LCE1C: variants seen among roughly 807,000 people sequenced by gnomAD.
LCE1C encodes late cornified envelope 1C, also known as late cornified envelope protein 1C.
In LCE1C, 1 loss-of-function variant was observed where a neutral mutation model predicts 0.7. The observed-to-expected ratio is 1.44, with a 90% CI of 0.51 to 6.83. The LOEUF (loss-of-function observed/expected upper bound fraction) is 6.83, where lower values mean the gene tolerates loss of function less well. Ranked by LOEUF, LCE1C falls within the 30% of genes most tolerant of loss-of-function variation. The pLI is 0.14. For missense variants in LCE1C, 136 were observed against 149.6 expected, an observed-to-expected ratio of 0.91 and a Z score of 0.48; for synonymous variants, 72 against 57.9, an observed-to-expected ratio of 1.24 and a Z score of -1.10.
Position 152,805,488 on chromosome 1 carries a change from G to A in LCE1C, c.-10C>T, listed in dbSNP as rs17624493. ...TCTGCTGGCAGGACATCTTGGTGGC[G>A]GATTCAGGAGCTGAAAGAGAGTCAA... On this transcript the variant is annotated 5_prime_UTR_variant, in exon 2 of 2. Coordinates refer to ENST00000607093, the MANE Select transcript of LCE1C (RefSeq NM_178351.4). The A allele has an allele frequency of 0.31, 497,694 of 1,611,380 alleles. 83,078 individuals carry two copies. The highest frequency in any genetic ancestry group is 0.35 in the Non-Finnish European group (413,695 of 1,177,830).
chr1:152,805,609 C>G (rs1306796266), intron 1 of LCE1C, 111 bp from the exon 2 acceptor site: 8 of 832,072 alleles, frequency 9.6e-6, no homozygotes, highest in South Asian at 1.8e-5. Context: ...GTTCAAATGT[C>G]ATGGTAAATC....
In LCE1C at chr1:152,805,287, A is replaced by G. The variant is rs1652301801; in HGVS notation, c.192T>C (p.Ser64=). The change falls in exon 2 of 2, where the codon TCT becomes TCC. Residue 64 remains serine (S), a synonymous_variant. Transcript: ENST00000607093. ...CTCCCCCAGAACTGCAGCATCCCCC[A>G]GAGCTGGAGCCACAGCTGCCCCCAG... is the stretch of plus-strand genomic sequence containing the variant. The part of the protein sequence containing the change: ...SSSGGSCGSS[S]GGCCSSGGGG... The G allele has an allele frequency of 6.2e-7, 1 of 1,613,962 alleles. No individual in the cohort carries two copies. The highest frequency in any genetic ancestry group is 8.5e-7 in the Non-Finnish European group (1 of 1,179,966).
intron 1 of LCE1C, among the ~76,000 whole-genome samples, 192 bp downstream of exon 1, chr1:152,806,409 A>T (rs114899232): frequency 0.018 from 2,681 of 152,278 alleles, 35 homozygotes; most frequent in Non-Finnish European, 0.025. Context: ...AGACAGAGAC[A>T]TCTAATTCTT....
chr1:152,805,428 G>C lies in LCE1C; in HGVS notation c.51C>G (p.Thr17=), dbSNP rs369430678. 1.2e-6 allele frequency: 2 copies of C among 1,613,856 alleles called. No individual in the cohort carries two copies. Among genetic ancestry groups the C allele is most frequent in the East Asian group, 4.5e-5 (2 of 44,862 alleles). ...QQQCQPPPKC[T]PKCPPKCPTP... is the part of the protein sequence containing the mutation. The stretch of plus-strand genomic sequence containing the variant: ...TGGGGCACTTGGGAGGGCACTTGGG[G>C]GTGCACTTGGGAGGGGGCTGGCACT... The change falls in exon 2 of 2, where the codon ACC becomes ACG. Residue 17 remains threonine (T), a synonymous_variant. Coordinates refer to ENST00000607093, the MANE Select transcript of LCE1C (RefSeq NM_178351.4).
In LCE1C at chr1:152,805,975, A is replaced by G. The variant is rs905676891; in HGVS notation, c.-20-477T>C. 6.6e-5 allele frequency among the ~76,000 whole-genome samples: 10 copies of G among 152,242 alleles called. 1 individual carries two copies. In the South Asian group the frequency reaches 1.2e-3, roughly 19 times the overall value. On this transcript the variant is annotated intron_variant, in intron 1 of 1. Transcript: ENST00000607093. The stretch of plus-strand genomic sequence containing the variant: ...CATGTACAATTGTAAATGGTTTTGG[A>G]GACAGGCTGGTCTCACAGGCTCCCT...
At position 152,804,975 on chromosome 1, in the gene LCE1C, C is replaced by T; in HGVS notation, c.*147G>A. The T allele has an allele frequency of 9.7e-7, 1 of 1,027,716 alleles. No homozygotes were observed. Among genetic ancestry groups the T allele is most frequent in the Non-Finnish European group, 1.4e-6 (1 of 693,336 alleles). The allele number at this position is 1,027,716 out of a possible 1,614,324, so 63.7% of individuals were successfully genotyped here. On this transcript the variant is annotated 3_prime_UTR_variant, in exon 2 of 2. Transcript: ENST00000607093. ...GAGATCCAGGAGAGGATCTGAGTTTCTGGACTCCAGGGAAAAGATATGCTC... is the reference window on the plus strand; with the variant it reads ...GAGATCCAGGAGAGGATCTGAGTTTTTGGACTCCAGGGAAAAGATATGCTC...
chr1:152,805,062 G>C lies in LCE1C; in HGVS notation c.*60C>G, dbSNP rs1652288588. 9.2e-6 allele frequency: 14 copies of C among 1,519,374 alleles called. No homozygotes were observed. The South Asian group carries it at 1.2e-4, about 13-fold the overall frequency. The allele number at this position is 1,519,374 out of a possible 1,614,324, so 94.1% of individuals were successfully genotyped here. Reference sequence around the variant, plus strand: ...CTCTCAGGCAGGCCTAGTAGGAGAAGGGGGATGTCCTTGGCAGTTTGCGGT... The same window carrying C: ...CTCTCAGGCAGGCCTAGTAGGAGAACGGGGATGTCCTTGGCAGTTTGCGGT... On this transcript the variant is annotated 3_prime_UTR_variant, in exon 2 of 2. Transcript: ENST00000607093.
At chr1:152,805,548 C>T (rs1652318179) in intron 1 of LCE1C, 50 bp from the exon 2 acceptor site, 8 of 1,325,788 alleles carry the variant, frequency 6.0e-6, no homozygotes, top group African/African-American at 1.5e-5. Context: ...GCCACCCCTG[C>T]CTATTCTTGT....
rs1024242440 is a variant in LCE1C, at chr1:152,805,631, A to G, written c.-20-133T>C. The G allele has an allele frequency of 1.4e-5, 11 of 773,194 alleles. No homozygotes were observed. The African/African-American group carries it at 1.8e-4, about 12-fold the overall frequency. The allele number at this position is 773,194 out of a possible 1,614,324, so 47.9% of individuals were successfully genotyped here. ...TGTCATGGTAAATCATTAATCACTG[A>G]AAATTTTGTTGTTTCTTGTAGTTTG... On this transcript the variant is annotated intron_variant, in intron 1 of 1. Transcript: ENST00000607093.
rs375935802 is a variant in LCE1C, at chr1:152,805,483, G to T, written c.-5C>A. ...CTGGCTCTGCTGGCAGGACATCTTG[G>T]TGGCGGATTCAGGAGCTGAAAGAGA... On this transcript the variant is annotated 5_prime_UTR_variant, in exon 2 of 2. Coordinates refer to ENST00000607093, the MANE Select transcript of LCE1C (RefSeq NM_178351.4). The T allele has an allele frequency of 2.5e-5, 40 of 1,613,422 alleles. No homozygotes were observed. Among genetic ancestry groups the T allele is most frequent in the Middle Eastern group, 1.6e-4 (1 of 6,080 alleles).
chr1:152,804,871 A>G lies in LCE1C; in HGVS notation c.*251T>C, dbSNP rs1652281594. 2 of 510,578 alleles carry G rather than the reference A, an allele frequency of 3.9e-6. No homozygotes were observed. The highest frequency in any genetic ancestry group is 3.5e-5 in the Admixed American group (1 of 28,208). The allele number at this position is 510,578 out of a possible 1,614,324, so 31.6% of individuals were successfully genotyped here. The stretch of plus-strand genomic sequence containing the variant: ...CCTTTAATCAGCAGATGCACGCTGC[A>G]AATGACATTGAGTAAGCTAGGGGCT... On this transcript the variant is annotated 3_prime_UTR_variant, in exon 2 of 2. Transcript: ENST00000607093.
Position 152,805,453 on chromosome 1 carries a change from T to A in LCE1C, c.26A>T (p.Gln9Leu). Residue 9 changes from glutamine to leucine, a missense_variant, in exon 2 of 2, where the codon CAG becomes CTG. Transcript: ENST00000607093. The stretch of plus-strand genomic sequence containing the variant: ...GGTGCACTTGGGAGGGGGCTGGCAC[T>A]GCTGCTGGCTCTGCTGGCAGGACAT... MSCQQSQQ[Q>L]CQPPPKCTPK... 1.2e-6 allele frequency: 2 copies of A among 1,613,946 alleles called. No homozygotes were observed. The highest frequency in any genetic ancestry group is 1.7e-6 in the Non-Finnish European group (2 of 1,179,936).
Position 152,805,499 on chromosome 1 carries a change from C to G in LCE1C, c.-20-1G>C. On this transcript the variant is annotated splice_acceptor_variant, in intron 1 of 1. Transcript: ENST00000607093. LOFTEE classifies it low-confidence loss of function (5UTR_SPLICE). The stretch of plus-strand genomic sequence containing the variant: ...GACATCTTGGTGGCGGATTCAGGAG[C>G]TGAAAGAGAGTCAAACAGCAAGTCA... 3 of 1,608,968 alleles carry G rather than the reference C, an allele frequency of 1.9e-6. No homozygotes were observed. Among genetic ancestry groups the G allele is most frequent in the Non-Finnish European group, 2.6e-6 (3 of 1,175,442 alleles).
Position 152,805,290 on chromosome 1 carries a change from G to A in LCE1C, c.189C>T (p.Ser63=), listed in dbSNP as rs200339777. 1.7e-4 allele frequency: 276 copies of A among 1,613,856 alleles called. No individual in the cohort carries two copies. Among genetic ancestry groups the A allele is most frequent in the East Asian group, 1.2e-3 (53 of 44,872 alleles). The part of the protein sequence containing the change: ...GSSSGGSCGS[S]SGGCCSSGGG... ...CCCCAGAACTGCAGCATCCCCCAGA[G>A]CTGGAGCCACAGCTGCCCCCAGAGC... is the stretch of plus-strand genomic sequence containing the variant. Residue 63 remains serine, a synonymous_variant, in exon 2 of 2, where the codon AGC becomes AGT. Coordinates refer to ENST00000607093, the MANE Select transcript of LCE1C (RefSeq NM_178351.4).
chr1:152,806,466 C>G (rs1284794288), intron 1 of LCE1C, 135 bp downstream of exon 1: 1 of 152,426 alleles, frequency 6.6e-6, no homozygotes, highest in African/African-American at 2.4e-5. Context: ...AGCACATCCT[C>G]CTTCAATCTT....
chr1:152,806,406 G>A (rs12121155), intron 1 of LCE1C, among the ~76,000 whole-genome samples, 195 bp downstream of exon 1: 1,629 of 152,264 alleles, frequency 0.011, 10 homozygotes, highest in Non-Finnish European at 0.016. Flanking sequence ...CAAAGACAGA[G>A]ACATCTAATT....
chr1:152,806,143 T>G (rs1186399842), intron 1 of LCE1C, among the ~76,000 whole-genome samples: 1 of 152,202 alleles, frequency 6.6e-6, no homozygotes, highest in East Asian at 1.9e-4. Flanking sequence ...ATCCTCAGCT[T>G]GCTATGTCTA....
rs981103016 is a variant in LCE1C at position 152,806,600 on chromosome 1, C to G, written c.-21+1G>C. 6.6e-6 allele frequency: 1 copy of G among 152,468 alleles called. No individual in the cohort carries two copies. The highest frequency in any genetic ancestry group is 1.5e-5 in the Non-Finnish European group (1 of 68,272). The allele number at this position is 152,468 out of a possible 1,614,324, so 9.4% of individuals were successfully genotyped here. ...AGCAACTATTCTCAAAGAACACTTACCGGGGTCACAGGCAGCACAGGGTCC... is the reference window on the plus strand; with the variant it reads ...AGCAACTATTCTCAAAGAACACTTAGCGGGGTCACAGGCAGCACAGGGTCC... On this transcript the variant is annotated splice_donor_variant, in intron 1 of 1. Coordinates refer to ENST00000607093, the MANE Select transcript of LCE1C (RefSeq NM_178351.4). LOFTEE classifies it low-confidence loss of function (5UTR_SPLICE).
intron 1 of LCE1C, among the ~76,000 whole-genome samples, chr1:152,806,385 T>C (rs16834553): frequency 0.073 from 11,133 of 152,156 alleles, 1,324 homozygotes; most frequent in African/African-American, 0.25. Context: ...AAAACTCAAC[T>C]AGCTGAAGCA....
Sources: allele counts gnomAD v4.1 joint callset (sites outside exome capture counted in the v4.1 genomes callset), GRCh38; gene constraint gnomAD v4.1.1; transcripts MANE v1.5; gene names NCBI Gene and HGNC (gene_info 2026-07-23, HGNC 2026-07-21).